The following PRKRIP1 variants were observed in gnomAD, a reference collection of about 807,000 sequenced individuals.
PRKRIP1 encodes the protein PRKR-interacting protein 1.
In PRKRIP1, 29 loss-of-function variants were observed where a neutral mutation model predicts 29.3. The ratio of observed to expected loss-of-function variants is 0.99; its 90% CI spans 0.74 to 1.35. PRKRIP1 has a LOEUF of 1.35. PRKRIP1 is among the 40% of genes most tolerant of loss of function. The probability of loss-of-function intolerance (pLI) is 0.00; values close to 1 mark genes in which losing one functional copy is unlikely to be tolerated. For synonymous variants in PRKRIP1, 90 were observed against 85.1 expected, an observed-to-expected ratio of 1.06 and a Z score of -0.32; for missense variants, 247 against 236.8, an observed-to-expected ratio of 1.04 and a Z score of -0.28.
intron 4 of PRKRIP1, 121 bp downstream of exon 4, chr7:102,404,804 A>G (rs1796167603): frequency 1.5e-6 from 1 of 661,696 alleles, no homozygotes; most frequent in Non-Finnish European, 2.6e-6. Flanking sequence ...ATGTAGAGCA[A>G]TGACTTCTAC....
At chr7:102,414,010 A>T (rs1331382903) in intron 5 of PRKRIP1, among the ~76,000 whole-genome samples, 23 of 152,188 alleles carry the variant, frequency 1.5e-4, no homozygotes, top group African/African-American at 5.5e-4. Flanking sequence ...GACAGATCAC[A>T]TGAGGTCAGG....
At chr7:102,408,573 G>A (rs3988090) in intron 5 of PRKRIP1, among the ~76,000 whole-genome samples, 110,242 of 152,038 alleles carry the variant, frequency 0.73, 40,270 homozygotes, top group Middle Eastern at 0.84. Flanking sequence ...GCTGGAAAGG[G>A]CCAAGGATGC....
intron 5 of PRKRIP1, among the ~76,000 whole-genome samples, chr7:102,421,341 C>G (rs560401893): frequency 6.7e-6 from 1 of 149,052 alleles, no homozygotes. Flanking sequence ...CCCAGGAGTT[C>G]GAGACCAGCC....
intron 5 of PRKRIP1, among the ~76,000 whole-genome samples, chr7:102,418,289 G>A (rs188730933): frequency 7.9e-5 from 12 of 152,090 alleles, no homozygotes; most frequent in Admixed American, 2.6e-4. Context: ...GCCTCAAACA[G>A]TCCACCTGCC....
intron 5 of PRKRIP1, among the ~76,000 whole-genome samples, chr7:102,419,843 TTTTG>T (rs1387764670): frequency 2.6e-4 from 35 of 133,530 alleles, no homozygotes; most frequent in African/African-American, 4.5e-4. Context: ...TTTTTTGTGT[TTTTG>T]TGTGTGTGTG....
chr7:102,425,045 C>A lies in PRKRIP1; in HGVS notation c.489C>A (p.Ser163Arg). 6.2e-7 allele frequency: 1 copy of A among 1,613,808 alleles called. No individual in the cohort carries two copies. Residue 163 changes from serine (S) to arginine (R), a missense_variant, in exon 6 of 6, where the codon AGC (serine) becomes AGA (arginine). Physicochemically the swap from Ser to Arg is moderately radical, Grantham distance 110. Transcript: ENST00000397912. Reference protein sequence around the residue: ...GPGQPKEQGSSSSAEASGTEE... With the variant: ...GPGQPKEQGSRSSAEASGTEE... ...GTCAGCCCAAGGAGCAGGGGTCCAG[C>A]AGCTCTGCGGAGGCATCTGGAACAG...
chr7:102,416,141 G>A (rs1796531366), intron 5 of PRKRIP1, among the ~76,000 whole-genome samples: 1 of 152,234 alleles, frequency 6.6e-6, no homozygotes, highest in Non-Finnish European at 1.5e-5. Flanking sequence ...GGTTGTGTGT[G>A]CCCTTGGCTG....
At position 102,425,323 on chromosome 7, in the gene PRKRIP1, G is replaced by A; in HGVS notation, c.*212G>A. The A allele has an allele frequency of 1.1e-6, 1 of 906,206 alleles. No individual in the cohort carries two copies. The highest frequency in any genetic ancestry group is 1.7e-5 in the African/African-American group (1 of 58,826). The allele number at this position is 906,206 out of a possible 1,614,324, so 56.1% of individuals were successfully genotyped here. A position where few individuals can be genotyped will look rare whatever the true frequency, so the allele number is the denominator to read the frequency against. ...TGACACTCAGAGGCACTGCCTTGCA[G>A]ACACCATCCGTGCTCCTGGTAAAGG... On this transcript the variant is annotated 3_prime_UTR_variant, in exon 6 of 6. Transcript: ENST00000397912.
chr7:102,413,419 CTA>C (rs1472982887), intron 5 of PRKRIP1, among the ~76,000 whole-genome samples: 1 of 152,162 alleles, frequency 6.6e-6, no homozygotes, highest in Non-Finnish European at 1.5e-5. Flanking sequence ...AAGAGATACT[CTA>C]TGATCATTTT....
rs782274032 is a variant in PRKRIP1, at chr7:102,407,478, T to C, written c.437T>C (p.Leu146Pro). ...AAATTACTGGCAAAGAAGATGAAAC[T>C]TGAACAGAAGAAACAAGAAGGTGAG... ...EKKLLAKKMKLEQKKQEGPGQ... is the reference protein window; with the variant it reads ...EKKLLAKKMKPEQKKQEGPGQ... Residue 146 changes from leucine to proline, a missense_variant, in exon 5 of 6, where the codon CTT becomes CCT. By Grantham distance (98) the Leu-to-Pro change is moderately conservative. Around this residue, in one of 3 missense-constraint regions of PRKRIP1, gnomAD observed 134 missense variants for 126.6 expected, o/e 1.06. Coordinates refer to ENST00000397912, the MANE Select transcript of PRKRIP1 (RefSeq NM_024653.4). 9 of 1,613,270 alleles carry C rather than the reference T, an allele frequency of 5.6e-6. No individual in the cohort carries two copies. In the South Asian group the frequency reaches 8.8e-5, roughly 16 times the overall value.
chr7:102,407,225 A>G (rs1796254339), intron 4 of PRKRIP1, among the ~76,000 whole-genome samples: 1 of 152,160 alleles, frequency 6.6e-6, no homozygotes, highest in African/African-American at 2.4e-5. Context: ...TCAAAAAAAA[A>G]AAAAAGAAGA....
intron 5 of PRKRIP1, among the ~76,000 whole-genome samples, chr7:102,422,449 T>A (rs1242186049): frequency 6.6e-6 from 1 of 151,940 alleles, no homozygotes; most frequent in Non-Finnish European, 1.5e-5. Flanking sequence ...GTTCAAGCAA[T>A]TCTTCTGCCT....
intron 1 of PRKRIP1, 54 bp from the exon 2 acceptor site, chr7:102,397,566 T>C (rs1316829580): frequency 4.3e-6 from 6 of 1,399,200 alleles, no homozygotes; most frequent in African/African-American, 1.4e-5. Flanking sequence ...GAGGGAGATA[T>C]ATAATTTTGT....
chr7:102,410,812 G>A (rs1201686398), intron 5 of PRKRIP1, among the ~76,000 whole-genome samples: 1 of 152,178 alleles, frequency 6.6e-6, no homozygotes, highest in Non-Finnish European at 1.5e-5. Context: ...CACTGCATTT[G>A]AAGTATGTTT....
In PRKRIP1 at chr7:102,425,147, C is replaced by T. The variant is rs139631659; in HGVS notation, c.*36C>T. The stretch of plus-strand genomic sequence containing the variant: ...CACAGCCTCTGCCTGGAACCTGGCT[C>T]GTGCTGTGACCAGAAGGGAAAGGCG... On this transcript the variant is annotated 3_prime_UTR_variant, in exon 6 of 6. Transcript: ENST00000397912. 7 of 1,593,272 alleles carry T rather than the reference C, an allele frequency of 4.4e-6. No individual in the cohort carries two copies. In the East Asian group the frequency reaches 6.8e-5, roughly 15 times the overall value.
chr7:102,425,523 G>T lies in PRKRIP1; in HGVS notation c.*412G>T. The T allele has an allele frequency of 3.4e-6, 1 of 294,674 alleles. No homozygotes were observed. The highest frequency in any genetic ancestry group is 2.8e-5 in the South Asian group (1 of 36,278). The allele number at this position is 294,674 out of a possible 1,614,324, so 18.3% of individuals were successfully genotyped here. A position where few individuals can be genotyped will look rare whatever the true frequency, so the allele number is the denominator to read the frequency against. ...GCTGAGATGCCACCATTCCCACGGG[G>T]ACTGAAGACACATTACGTGGACCTG... is the stretch of plus-strand genomic sequence containing the variant. On this transcript the variant is annotated 3_prime_UTR_variant, in exon 6 of 6. Transcript: ENST00000397912.
At chr7:102,403,331 T>C (rs1368708793) in intron 3 of PRKRIP1, among the ~76,000 whole-genome samples, 2 of 152,252 alleles carry the variant, frequency 1.3e-5, no homozygotes, top group Admixed American at 6.5e-5. Flanking sequence ...TCTGTGCCAC[T>C]GTAAGCAGAT....
At chr7:102,399,486 T>G in intron 2 of PRKRIP1, 62 bp from the exon 3 acceptor site, 1 of 1,353,594 alleles carries the variant, frequency 7.4e-7, no homozygotes, top group South Asian at 1.2e-5. Flanking sequence ...TCACCCTCGA[T>G]TAAGGGTGAC....
intron 5 of PRKRIP1, among the ~76,000 whole-genome samples, chr7:102,416,816 A>G (rs139882696): frequency 4.6e-5 from 7 of 151,980 alleles, no homozygotes; most frequent in African/African-American, 1.4e-4. Flanking sequence ...AGTAGCTGCA[A>G]CTACAGATGC....
Sources: allele counts gnomAD v4.1 joint callset (sites outside exome capture counted in the v4.1 genomes callset), GRCh38; gene constraint gnomAD v4.1.1; regional missense constraint gnomAD v4.1.1; transcripts MANE v1.5; gene names NCBI Gene and HGNC (gene_info 2026-07-23, HGNC 2026-07-21).